Variants in LYST observed in about 807,000 individuals in gnomAD.
LYST encodes lysosomal trafficking regulator.
LYST carries 192 observed loss-of-function variants against 413.6 expected under a neutral mutation model. The observed-to-expected ratio is 0.46, with a 90% CI of 0.41 to 0.52. The LOEUF (loss-of-function observed/expected upper bound fraction) is 0.52, where lower values mean the gene tolerates loss of function less well. Ranked by LOEUF, LYST falls within the 20% of genes least tolerant of loss-of-function variation. The probability of loss-of-function intolerance (pLI) is 0.00; values close to 1 mark genes in which losing one functional copy is unlikely to be tolerated. For synonymous variants in LYST, 1,525 were observed against 1,567.3 expected (o/e 0.97, Z 0.64); for missense variants, 3,815 against 4,499.9 (o/e 0.85, Z 4.35).
intron 50 of LYST, among the ~76,000 whole-genome samples, chr1:235,672,740 T>G (rs1659047141): frequency 6.6e-6 from 1 of 152,174 alleles, no homozygotes; most frequent in Non-Finnish European, 1.5e-5. Context: ...ATGGACTAAG[T>G]GTTTTCCCGT....
At chr1:235,728,292 G>C (rs1664072289) in intron 37 of LYST, among the ~76,000 whole-genome samples, 161 bp from the exon 38 acceptor site, 1 of 151,974 alleles carries the variant, frequency 6.6e-6, no homozygotes, top group African/African-American at 2.4e-5. Flanking sequence ...TATCCATGAA[G>C]TCTTGGGCAA....
intron 12 of LYST, among the ~76,000 whole-genome samples, chr1:235,790,574 T>C (rs1226586958): frequency 6.6e-6 from 1 of 152,186 alleles, no homozygotes; most frequent in East Asian, 1.9e-4. Context: ...GAGGTTCCAC[T>C]GGATGAGAAA....
chr1:235,790,976 G>A (rs959611181), intron 12 of LYST, among the ~76,000 whole-genome samples: 7 of 151,824 alleles, frequency 4.6e-5, no homozygotes, highest in African/African-American at 1.2e-4. Context: ...GGGAGAAACC[G>A]CTGTCTCTAC....
intron 10 of LYST, among the ~76,000 whole-genome samples, chr1:235,794,969 G>A (rs189002638): frequency 1.1e-4 from 16 of 152,150 alleles, no homozygotes; most frequent in African/African-American, 3.1e-4. Flanking sequence ...GAAGAAATCC[G>A]TAACAGCAAA....
In LYST at chr1:235,809,349, T is replaced by C. The variant is rs1428544204; in HGVS notation, c.1469A>G (p.Gln490Arg). The C allele has an allele frequency of 6.2e-7, 1 of 1,614,096 alleles. No homozygotes were observed. The highest frequency in any genetic ancestry group is 2.2e-5 in the East Asian group (1 of 44,878). ...MSTVKKVKSE[Q>R]LHHSMCTRKR... ...TCTTGTACACATCGAATGATGAAGT[T>C]GCTCTGATTTCACTTTTTTGACAGT... Residue 490 changes from glutamine to arginine, a missense_variant, in exon 5 of 53, where the codon CAA becomes CGA. Physicochemically the swap from Gln to Arg is conservative, Grantham distance 43 (BLOSUM62 1). This residue lies in a region of LYST where 1,648 missense variants were observed against 1,810.3 expected (regional missense o/e 0.91). Coordinates refer to ENST00000389793, the MANE Select transcript of LYST (RefSeq NM_000081.4). This position sits in a 1 kb window ranked among gnomAD's most constrained non-coding sequence, Gnocchi z 4.0.
In LYST at chr1:235,755,515, C is replaced by T. The variant is rs375751973; in HGVS notation, c.7192G>A (p.Glu2398Lys). ...GTQELLECFI[E>K]MFFGRHIGLD... ...CCAATATGTCGACCAAAGAACATTT[C>T]GATGAAGCATTCTAACAATTCTTGA... The change falls in exon 25 of 53, where the codon GAA becomes AAA. Residue 2398 changes from glutamate (E) to lysine (K), a missense_variant. Glu to Lys is a moderately conservative substitution (Grantham distance 56). Around this residue, in one of 4 missense-constraint regions of LYST, gnomAD observed 771 missense variants for 837.1 expected, o/e 0.92. Coordinates refer to ENST00000389793, the MANE Select transcript of LYST (RefSeq NM_000081.4). 3.7e-5 allele frequency: 60 copies of T among 1,613,776 alleles called. No individual in the cohort carries two copies. The highest frequency in any genetic ancestry group is 1.6e-4 in the Middle Eastern group (1 of 6,084).
intron 3 of LYST, 159 bp downstream of exon 3, chr1:235,830,067 A>G (rs2102995333): frequency 8.2e-6 from 5 of 612,500 alleles, no homozygotes; most frequent in Non-Finnish European, 1.4e-5. Flanking sequence ...TCAAATAAAC[A>G]ATATGGTTAT....
At chr1:235,758,329 A>C (rs186481035) in intron 23 of LYST, among the ~76,000 whole-genome samples, 2 of 152,318 alleles carry the variant, frequency 1.3e-5, no homozygotes, top group Admixed American at 1.3e-4. Flanking sequence ...GAAGAAATAC[A>C]ACGCCTAGGC....
intron 20 of LYST, among the ~76,000 whole-genome samples, chr1:235,769,585 C>G (rs1668463180): frequency 6.6e-6 from 1 of 151,628 alleles, no homozygotes; most frequent in Admixed American, 6.6e-5. Flanking sequence ...ATATACCAAC[C>G]AAGCAGATAT....
intron 10 of LYST, among the ~76,000 whole-genome samples, chr1:235,798,604 A>C (rs1208140069): frequency 3.5e-5 from 4 of 113,004 alleles, no homozygotes; most frequent in East Asian, 4.1e-4. Context: ...AAAAAAAAAA[A>C]AAAAAAAAAA....
intron 31 of LYST, chr1:235,736,665 A>C (rs1371807109): frequency 6.6e-6 from 1 of 152,288 alleles, no homozygotes; most frequent in East Asian, 1.9e-4. Context: ...AGCTGTGAAA[A>C]GGCATAAAGA....
At chr1:235,799,503 A>G (rs1424169907) in intron 10 of LYST, among the ~76,000 whole-genome samples, 1 of 152,202 alleles carries the variant, frequency 6.6e-6, no homozygotes, top group Non-Finnish European at 1.5e-5. Context: ...AAAGGACCCA[A>G]TATCACTTCT....
chr1:235,799,901 A>C (rs1489399292), intron 10 of LYST, among the ~76,000 whole-genome samples: 1 of 135,296 alleles, frequency 7.4e-6, no homozygotes, highest in Admixed American at 8.0e-5. Context: ...CTTTTTTGAA[A>C]TCACAGAGCA....
intron 50 of LYST, among the ~76,000 whole-genome samples, chr1:235,671,236 C>T (rs1658917614): frequency 6.6e-6 from 1 of 152,056 alleles, no homozygotes; most frequent in African/African-American, 2.4e-5. Flanking sequence ...CTGCACCCAG[C>T]CCAAAGTACC....
chr1:235,712,881 A>T (rs1035908974), intron 42 of LYST: 16 of 985,206 alleles, frequency 1.6e-5, no homozygotes, highest in Non-Finnish European at 1.9e-5. Context: ...AACAATGATC[A>T]GACTTTCTAG....
chr1:235,859,542 C>T (rs1679624321), intron 1 of LYST, among the ~76,000 whole-genome samples: 1 of 149,138 alleles, frequency 6.7e-6, no homozygotes, highest in Non-Finnish European at 1.5e-5. Flanking sequence ...GACTCAGTTT[C>T]AACAAAGGAA....
intron 1 of LYST, among the ~76,000 whole-genome samples, chr1:235,835,403 A>G (rs1274122637): frequency 6.6e-6 from 1 of 152,196 alleles, no homozygotes; most frequent in Non-Finnish European, 1.5e-5. Flanking sequence ...AGATGATTCC[A>G]GCTAACTCAG....
chr1:235,720,570 C>A (rs1663273153), intron 40 of LYST, 91 bp downstream of exon 40: 3 of 1,242,374 alleles, frequency 2.4e-6, no homozygotes, highest in Non-Finnish European at 3.5e-6. Context: ...CTATTTTGTG[C>A]ATGTTTGAAA....
chr1:235,740,633 G>A (rs1665292503), intron 31 of LYST, among the ~76,000 whole-genome samples: 1 of 152,142 alleles, frequency 6.6e-6, no homozygotes, highest in African/African-American at 2.4e-5. Flanking sequence ...TCTATATGGT[G>A]CTGTAGAATA....
Sources: gnomAD v4.1 joint callset for allele counts (sites outside exome capture counted in the v4.1 genomes callset) on GRCh38, gnomAD v4.1.1 for gene constraint, gnomAD v4.1.1 regional missense constraint, Gnocchi (gnomAD v3.1) non-coding constraint, MANE v1.5 for transcripts, NCBI Gene and HGNC (gene_info 2026-07-23, HGNC 2026-07-21) for gene names.